The following CDK17 variants were observed in gnomAD, a reference collection of about 807,000 sequenced individuals.
CDK17 encodes cyclin dependent kinase 17.
Under a neutral mutation model 77.6 loss-of-function variants are expected in CDK17, and 24 were observed. The ratio of observed to expected loss-of-function variants is 0.31; its 90% CI spans 0.22 to 0.44. CDK17 has a LOEUF of 0.44. Among genes scored for constraint, CDK17 ranks in the 20% least tolerant of loss-of-function variants. CDK17 has a pLI of 1.00. For synonymous variants in CDK17, 203 were observed against 210.4 expected, an observed-to-expected ratio of 0.96 and a Z score of 0.30; for missense variants, 429 against 622.5, an observed-to-expected ratio of 0.69 and a Z score of 3.31.
Position 96,400,251 on chromosome 12 carries a change from G to A in CDK17, c.-295C>T, listed in dbSNP as rs1954240282. On this transcript the variant is annotated 5_prime_UTR_variant, in exon 1 of 17. Transcript: ENST00000261211. ...TCCCGCGCCGACGAGCCGCGCGGAC[G>A]GCCCACTAATCCCCTCGGAGCAGCC... 2.0e-5 allele frequency: 8 copies of A among 393,620 alleles called. No individual in the cohort carries two copies. Among genetic ancestry groups the A allele is most frequent in the Non-Finnish European group, 3.6e-5 (8 of 222,792 alleles). 24.4% of individuals were successfully genotyped at this position (393,620 alleles called of 1,614,324 possible).
intron 11 of CDK17, among the ~76,000 whole-genome samples, chr12:96,288,822 C>G (rs370680264): frequency 2.6e-5 from 4 of 152,266 alleles, no homozygotes; most frequent in Admixed American, 1.3e-4. Context: ...TACTATGTAT[C>G]AGATACTCTT....
intron 1 of CDK17, among the ~76,000 whole-genome samples, chr12:96,374,613 T>C (rs914326384): frequency 6.6e-6 from 1 of 152,198 alleles, no homozygotes; most frequent in Non-Finnish European, 1.5e-5. Flanking sequence ...ATACTTCCTT[T>C]ATAAATTTAG....
intron 1 of CDK17, among the ~76,000 whole-genome samples, chr12:96,340,254 G>A (rs947201146): frequency 2.0e-5 from 3 of 151,956 alleles, no homozygotes; most frequent in African/African-American, 7.2e-5. Flanking sequence ...AATACGCATG[G>A]CACTTATTTC....
chr12:96,300,676 C>T (rs1337376854), intron 5 of CDK17, among the ~76,000 whole-genome samples: 5 of 152,204 alleles, frequency 3.3e-5, no homozygotes, highest in Non-Finnish European at 5.9e-5. Flanking sequence ...GGATTACAGG[C>T]GTAAGCCACC....
chr12:96,334,905 A>G lies in CDK17; in HGVS notation c.-29-40T>C, dbSNP rs1190267209. 1.7e-5 allele frequency: 14 copies of G among 828,312 alleles called. No homozygotes were observed. In the East Asian group the frequency reaches 3.5e-4, roughly 21 times the overall value. The allele number at this position is 828,312 out of a possible 1,614,324, so 51.3% of individuals were successfully genotyped here. The stretch of plus-strand genomic sequence containing the variant: ...TAAACACAAAACTAAAGCTATAAAT[A>G]TTTTACCACTGAAGAAAAATACCGC... On this transcript the variant is annotated intron_variant, in intron 1 of 16. Transcript: ENST00000261211.
intron 5 of CDK17, among the ~76,000 whole-genome samples, chr12:96,307,459 T>C (rs1172084533): frequency 6.6e-6 from 1 of 152,168 alleles, no homozygotes; most frequent in Non-Finnish European, 1.5e-5. Flanking sequence ...AAATCACATT[T>C]TTACTCCCAA....
intron 1 of CDK17, among the ~76,000 whole-genome samples, chr12:96,354,777 AG>A (rs1396086192): frequency 6.6e-6 from 1 of 152,062 alleles, no homozygotes; most frequent in African/African-American, 2.4e-5. Context: ...CCAGCTACTC[AG>A]GAGGCTGAGA....
intron 1 of CDK17, among the ~76,000 whole-genome samples, chr12:96,344,219 T>C (rs1305231709): frequency 6.6e-6 from 1 of 151,862 alleles, no homozygotes; most frequent in African/African-American, 2.4e-5. Flanking sequence ...AGGGACACTA[T>C]CAAGTGTACC....
chr12:96,316,256 A>G (rs1952715449), intron 3 of CDK17, among the ~76,000 whole-genome samples: 2 of 152,108 alleles, frequency 1.3e-5, no homozygotes, highest in South Asian at 4.2e-4. Flanking sequence ...ACCGGCTTAA[A>G]AAACGGCGCA....
intron 1 of CDK17, 176 bp from the exon 2 acceptor site, chr12:96,335,041 T>C (rs746288832): frequency 2.0e-4 from 132 of 657,524 alleles, no homozygotes; most frequent in Non-Finnish European, 4.2e-5. Flanking sequence ...CTCCGAATAA[T>C]GCTGTATTTA....
At chr12:96,370,052 CG>C (rs1953666449) in intron 1 of CDK17, among the ~76,000 whole-genome samples, 1 of 152,168 alleles carries the variant, frequency 6.6e-6, no homozygotes, top group African/African-American at 2.4e-5. Context: ...AAGGAAAGAA[CG>C]GAGGGCATTT....
Position 96,400,139 on chromosome 12 carries a change from C to G in CDK17, c.-183G>C. 1 of 394,044 alleles carries G rather than the reference C, an allele frequency of 2.5e-6. No individual in the cohort carries two copies. The highest frequency in any genetic ancestry group is 1.3e-4 in the South Asian group (1 of 7,802). 24.4% of individuals were successfully genotyped at this position (394,044 alleles called of 1,614,324 possible). On this transcript the variant is annotated 5_prime_UTR_variant, in exon 1 of 17. Transcript: ENST00000261211. ...CGAGCGCAGGCCTCCGCCGCCACAG[C>G]CGCCTTCCGGCTCTCGCCGCGGGTC...
At chr12:96,372,624 C>T (rs61939089) in intron 1 of CDK17, among the ~76,000 whole-genome samples, 1 of 151,930 alleles carries the variant, frequency 6.6e-6, no homozygotes, top group Admixed American at 6.5e-5. Flanking sequence ...AAAAGGTGTA[C>T]CTGAATAATC....
intron 1 of CDK17, among the ~76,000 whole-genome samples, chr12:96,380,446 G>A (rs1214256419): frequency 6.6e-6 from 1 of 151,604 alleles, no homozygotes; most frequent in Non-Finnish European, 1.5e-5. Flanking sequence ...CCACCACCAC[G>A]CCCGGCTAAT....
chr12:96,393,354 C>CAAAAAAAAAAAA (rs10633197), intron 1 of CDK17, among the ~76,000 whole-genome samples: 1 of 43,344 alleles, frequency 2.3e-5, no homozygotes, highest in Non-Finnish European at 4.1e-5. Context: ...GGCTCCGCCT[C>CAAAAAAAAAAAA]AAAAAAAAAA....
At position 96,289,151 on chromosome 12, in the gene CDK17, A is replaced by G; in HGVS notation, c.1118+16T>C. 6.2e-7 allele frequency: 1 copy of G among 1,613,204 alleles called. No homozygotes were observed. Among genetic ancestry groups the G allele is most frequent in the Non-Finnish European group, 8.5e-7 (1 of 1,179,222 alleles). ...TTTCAAAATTATAAATGTCAGTGAC[A>G]TCTGTATATATTTACCACATGTCAA... is the stretch of plus-strand genomic sequence containing the variant. On this transcript the variant is annotated intron_variant, in intron 11 of 16. Coordinates refer to ENST00000261211, the MANE Select transcript of CDK17 (RefSeq NM_002595.5).
chr12:96,281,341 G>A (rs1231949757), intron 15 of CDK17, among the ~76,000 whole-genome samples: 2 of 152,312 alleles, frequency 1.3e-5, no homozygotes, highest in East Asian at 1.9e-4. Context: ...CTACCTCAAA[G>A]TAAAACTTGG....
rs7134324 is a variant in CDK17 at position 96,323,649 on chromosome 12, C to T, written c.283+299G>A. Among the ~76,000 whole-genome samples, 808 of 152,214 alleles carry T rather than the reference C, an allele frequency of 5.3e-3. 6 individuals are homozygous for T. The highest frequency in any genetic ancestry group is 0.019 in the African/African-American group (779 of 41,538). ...TATATGGTGATGATCTGAAAAGTTACTGAGGCATTACCCTAAAATAAACAC... is the reference window on the plus strand; with the variant it reads ...TATATGGTGATGATCTGAAAAGTTATTGAGGCATTACCCTAAAATAAACAC... On this transcript the variant is annotated intron_variant, in intron 3 of 16. Coordinates refer to ENST00000261211, the MANE Select transcript of CDK17 (RefSeq NM_002595.5).
chr12:96,397,796 G>A (rs1158852913), intron 1 of CDK17, among the ~76,000 whole-genome samples: 1 of 152,060 alleles, frequency 6.6e-6, no homozygotes, highest in African/African-American at 2.4e-5. Flanking sequence ...TTCAATAAAT[G>A]TACATAAAAC....
Sources: allele counts gnomAD v4.1 joint callset (sites outside exome capture counted in the v4.1 genomes callset), GRCh38; gene constraint gnomAD v4.1.1; transcripts MANE v1.5; gene names NCBI Gene and HGNC (gene_info 2026-07-23, HGNC 2026-07-21).